MICAL3: variants seen among roughly 807,000 people sequenced by gnomAD.
MICAL3 encodes the protein microtubule associated monooxygenase, calponin and LIM domain containing 3.
A neutral mutation model predicts 207.4 loss-of-function variants in MICAL3; 62 were observed. That is an observed-to-expected ratio of 0.30 (90% CI 0.24 to 0.37). MICAL3 has a LOEUF of 0.37. Ranked by LOEUF, MICAL3 falls within the 10% of genes least tolerant of loss-of-function variation. The pLI, the probability that MICAL3 is intolerant of heterozygous loss-of-function variation, is 1.00. For synonymous variants in MICAL3, 1,077 were observed against 1,069.3 expected (o/e 1.01, Z -0.14); for missense variants, 2,368 against 2,635.6 (o/e 0.90, Z 2.22).
At chr22:17,977,125 T>C (rs369224100) in intron 1 of MICAL3, among the ~76,000 whole-genome samples, 5 of 152,080 alleles carry the variant, frequency 3.3e-5, no homozygotes, top group African/African-American at 7.2e-5. Context: ...AATAGAAACA[T>C]CTGAAAGCAC....
At chr22:17,791,404 G>T in intron 29 of MICAL3, 103 bp from the exon 30 acceptor site, 1 of 1,023,782 alleles carries the variant, frequency 9.8e-7, no homozygotes, top group Non-Finnish European at 1.5e-6. Context: ...GCAAGATGCT[G>T]CCGGAACTTC....
At chr22:17,970,671 A>G (rs1481846535) in intron 1 of MICAL3, among the ~76,000 whole-genome samples, 1 of 152,224 alleles carries the variant, frequency 6.6e-6, no homozygotes, top group Non-Finnish European at 1.5e-5. Context: ...TTCCTGGCAC[A>G]CAGTAGGTGC....
intron 1 of MICAL3, among the ~76,000 whole-genome samples, chr22:17,952,264 G>A (rs917991555): frequency 1.3e-5 from 2 of 152,194 alleles, no homozygotes; most frequent in Non-Finnish European, 2.9e-5. Context: ...AGTAGGGGCA[G>A]GTGCCCCCAA....
At chr22:17,810,286 A>G (rs553577174) in intron 28 of MICAL3, among the ~76,000 whole-genome samples, 5 of 151,900 alleles carry the variant, frequency 3.3e-5, no homozygotes, top group Admixed American at 6.6e-5. Flanking sequence ...GATGGTCTCA[A>G]TCTCCTGACC....
At chr22:17,884,561 CA>C (rs895217589) in intron 16 of MICAL3, among the ~76,000 whole-genome samples, 4 of 152,162 alleles carry the variant, frequency 2.6e-5, no homozygotes, top group Admixed American at 6.5e-5. Context: ...AAAGCAAATG[CA>C]AAAGAACAGA....
In MICAL3 at chr22:17,860,285, C is replaced by T. The variant is rs1017676959; in HGVS notation, c.2605+4614G>A. 8.1e-6 allele frequency: 8 copies of T among 985,426 alleles called. No homozygotes were observed. The Admixed American group carries it at 3.7e-4, about 45-fold the overall frequency. 61.0% of individuals were successfully genotyped at this position (985,426 alleles called of 1,614,324 possible). ...AGTTACACAATTAAATAAAAACTCA[C>T]AAAGAAACACACCAAGAACTCACAA... On this transcript the variant is annotated intron_variant, in intron 19 of 31. Transcript: ENST00000441493.
chr22:18,002,581 C>T (rs1283708926), intron 1 of MICAL3, among the ~76,000 whole-genome samples: 1 of 152,004 alleles, frequency 6.6e-6, no homozygotes, highest in South Asian at 2.1e-4. Flanking sequence ...TGAACTGAGC[C>T]CAGATCGTGC....
At chr22:17,908,768 G>T (rs1307595215) in intron 1 of MICAL3, among the ~76,000 whole-genome samples, 2 of 152,168 alleles carry the variant, frequency 1.3e-5, no homozygotes, top group Non-Finnish European at 2.9e-5. Context: ...TGTACCCTTG[G>T]GGTTGGGTGC....
At chr22:17,804,555 C>T (rs1356414408) in intron 29 of MICAL3, among the ~76,000 whole-genome samples, 1 of 152,214 alleles carries the variant, frequency 6.6e-6, no homozygotes, top group African/African-American at 2.4e-5. Context: ...TGGAGGTGTG[C>T]TGGCCTGGGG....
In MICAL3 at chr22:17,816,749, C is replaced by T. The variant is rs1448661377; in HGVS notation, c.5386G>A (p.Asp1796Asn). The T allele has an allele frequency of 6.4e-7, 1 of 1,551,818 alleles. No homozygotes were observed. The highest frequency in any genetic ancestry group is 8.7e-7 in the Non-Finnish European group (1 of 1,147,468). The change falls in exon 27 of 32, where the codon GAC becomes AAC. Residue 1796 changes from aspartate to asparagine, a missense_variant. Physicochemically the swap from Asp to Asn is conservative, Grantham distance 23. Coordinates refer to ENST00000441493, the MANE Select transcript of MICAL3 (RefSeq NM_015241.3). ...ACATCGTCGCTGGAGAGGTCTGAGTCCTCGGAGAAGCTCAGCTGGCGCCGG... is the reference window on the plus strand; with the variant it reads ...ACATCGTCGCTGGAGAGGTCTGAGTTCTCGGAGAAGCTCAGCTGGCGCCGG... ...QLRRQLSFSE[D>N]SDLSSDDVLE...
rs1281908862 is a variant in MICAL3, at chr22:17,807,764, A to T, written c.5650+1080T>A. On this transcript the variant is annotated intron_variant, in intron 29 of 31. Transcript: ENST00000441493. ...TGAGCCCATGGGTCAGTCTTTGAGC[A>T]AGATCAGATGGCAGCAGCTGGCCCT... 2.0e-5 allele frequency among the ~76,000 whole-genome samples: 3 copies of T among 152,236 alleles called. No individual in the cohort carries two copies. In the East Asian group the frequency reaches 5.8e-4, roughly 29 times the overall value.
At position 17,818,707 on chromosome 22, in the gene MICAL3, G is replaced by A. The variant is rs747872499; in HGVS notation, c.3954C>T (p.Leu1318=). Residue 1318 remains leucine, a synonymous_variant, in exon 26 of 32, where the codon CTC becomes CTT. Transcript: ENST00000441493. Reference sequence around the variant, plus strand: ...ACTCCTCCACCAGGTCGCTCCGTCTGAGGGCCTCATCCACAGCAAGGGGGC... The same window carrying A: ...ACTCCTCCACCAGGTCGCTCCGTCTAAGGGCCTCATCCACAGCAAGGGGGC... The part of the protein sequence containing the change: ...LGSPLAVDEA[L]RRSDLVEEFW... 1 of 1,613,690 alleles carries A rather than the reference G, an allele frequency of 6.2e-7. No individual in the cohort carries two copies. The highest frequency in any genetic ancestry group is 1.7e-5 in the Admixed American group (1 of 60,016).
In MICAL3 at chr22:17,902,689, G is replaced by A. The variant is rs748706911; in HGVS notation, c.531C>T (p.Ile177=). 6.2e-7 allele frequency: 1 copy of A among 1,607,656 alleles called. No individual in the cohort carries two copies. Among genetic ancestry groups the A allele is most frequent in the Non-Finnish European group, 8.5e-7 (1 of 1,176,792 alleles). Reference sequence around the variant, plus strand: ...GTCCTTGGAATTCCACATTGACGTGGATTTCAATGCCTAGGATCAAGGCTA... The same window carrying A: ...GTCCTTGGAATTCCACATTGACGTGAATTTCAATGCCTAGGATCAAGGCTA... ...LKVALILGIE[I]HVNVEFQGLI... is the part of the protein sequence containing the mutation. Residue 177 remains isoleucine (I), a synonymous_variant, in exon 4 of 32, where the codon ATC becomes ATT. Coordinates refer to ENST00000441493, the MANE Select transcript of MICAL3 (RefSeq NM_015241.3). The surrounding 1 kb of genome is among the most constrained non-coding windows in gnomAD (Gnocchi z 4.5).
intron 5 of MICAL3, among the ~76,000 whole-genome samples, chr22:17,901,486 T>C (rs1291450290): frequency 6.6e-6 from 1 of 152,002 alleles, no homozygotes; most frequent in African/African-American, 2.4e-5. Flanking sequence ...CCATGCAACA[T>C]GGCGAAAACC....
chr22:17,816,870 G>C, intron 26 of MICAL3, 86 bp from the exon 27 acceptor site: 1 of 1,001,126 alleles, frequency 1.0e-6, no homozygotes, highest in Non-Finnish European at 1.5e-6. Flanking sequence ...GTGCAGCCAA[G>C]GAGGCCGGGT....
rs2062032055 is a variant in MICAL3 at position 17,810,266 on chromosome 22, T to C, written c.5556+437A>G. On this transcript the variant is annotated intron_variant, in intron 28 of 31. Coordinates refer to ENST00000441493, the MANE Select transcript of MICAL3 (RefSeq NM_015241.3). ...TTTAGTAGAGACGGGGGTTTCACCG[T>C]GTTAGCCAGGATGGTCTCAATCTCC... Among the ~76,000 whole-genome samples, 6 of 152,100 alleles carry C rather than the reference T, an allele frequency of 3.9e-5. No homozygotes were observed. The South Asian group carries it at 1.3e-3, about 32-fold the overall frequency.
At chr22:17,861,620 C>A (rs1926522257) in intron 19 of MICAL3, 1 of 985,300 alleles carries the variant, frequency 1.0e-6, no homozygotes. Flanking sequence ...GATTTCCTTT[C>A]TCTGCCTATT....
intron 16 of MICAL3, chr22:17,875,498 A>AC: frequency 6.4e-7 from 1 of 1,556,302 alleles, no homozygotes; most frequent in African/African-American, 1.4e-5. Flanking sequence ...AGGAGCGGAG[A>AC]CTAAGAGAAA....
chr22:17,827,934 TACAC>T (rs60820224), intron 21 of MICAL3, among the ~76,000 whole-genome samples, 153 bp from the exon 22 acceptor site: 4 of 150,810 alleles, frequency 2.7e-5, no homozygotes, highest in African/African-American at 9.7e-5. Context: ...TGCACATGTA[TACAC>T]ACACACACAC....
Sources: allele counts gnomAD v4.1 joint callset (sites outside exome capture counted in the v4.1 genomes callset), GRCh38; gene constraint gnomAD v4.1.1; non-coding constraint Gnocchi (gnomAD v3.1); transcripts MANE v1.5; gene names NCBI Gene and HGNC (gene_info 2026-07-23, HGNC 2026-07-21).